The following SP140 variants were observed in gnomAD, a reference collection of about 807,000 sequenced individuals.
SP140 encodes the protein SP140 nuclear body protein.
In SP140, 81 loss-of-function variants were observed where a neutral mutation model predicts 125.0. The ratio of observed to expected loss-of-function variants is 0.65; its 90% CI spans 0.54 to 0.78. The LOEUF (loss-of-function observed/expected upper bound fraction) is 0.78. Among genes scored for constraint, SP140 ranks in the 30% least tolerant of loss-of-function variants. The pLI, the probability that SP140 is intolerant of heterozygous loss-of-function variation, is 0.00. For missense variants in SP140, 858 were observed against 1,037.0 expected, an observed-to-expected ratio of 0.83 and a Z score of 2.37; for synonymous variants, 312 against 354.0, an observed-to-expected ratio of 0.88 and a Z score of 1.33.
At chr2:230,307,642 A>G (rs763081505) in intron 22 of SP140, among the ~76,000 whole-genome samples, 3 of 152,206 alleles carry the variant, frequency 2.0e-5, no homozygotes, top group Non-Finnish European at 2.9e-5. Context: ...CTTATGCAAT[A>G]GCAGGCATGT....
chr2:230,310,375 A>T lies in SP140; in HGVS notation c.2174+336A>T, dbSNP rs369997795. 1.8e-5 allele frequency: 9 copies of T among 491,118 alleles called. No homozygotes were observed. The East Asian group carries it at 3.2e-4, about 17-fold the overall frequency. 30.4% of individuals were successfully genotyped at this position (491,118 alleles called of 1,614,324 possible). A position where few individuals can be genotyped will look rare whatever the true frequency, so the allele number is the denominator to read the frequency against. On this transcript the variant is annotated intron_variant, in intron 23 of 26. Coordinates refer to ENST00000392045, the MANE Select transcript of SP140 (RefSeq NM_007237.5). ...TTTATATTTTGTGCTTATTCATACA[A>T]GACAGGAAGCACGATCTCATTGGGC...
At chr2:230,202,543 A>T, upstream of SP140, 2 of 1,607,222 alleles carry the variant, frequency 1.2e-6, no homozygotes, top group Non-Finnish European at 1.7e-6. Context: ...TCCCACACTG[A>T]GCCATTCAAA....
chr2:230,199,397 CAG>C (rs1410599117), upstream of SP140, among the ~76,000 whole-genome samples: 2 of 151,318 alleles, frequency 1.3e-5, no homozygotes. Context: ...TTAGTAGAGA[CAG>C]GGTTTCATCA....
At chr2:230,232,575 T>C (rs574600120) in intron 1 of SP140, among the ~76,000 whole-genome samples, 1 of 152,362 alleles carries the variant, frequency 6.6e-6, no homozygotes, top group African/African-American at 2.4e-5. Context: ...TTTAGACTTT[T>C]TTCTTAAGAC....
At chr2:230,241,108 A>G (rs2048662091) in intron 3 of SP140, among the ~76,000 whole-genome samples, 1 of 152,214 alleles carries the variant, frequency 6.6e-6, no homozygotes, top group African/African-American at 2.4e-5. Flanking sequence ...ACAGACAAGT[A>G]CAGTGCCAGA....
chr2:230,282,037 A>C (rs1046426464), intron 15 of SP140, among the ~76,000 whole-genome samples: 3 of 152,176 alleles, frequency 2.0e-5, no homozygotes, highest in Middle Eastern at 3.2e-3. Context: ...CAGCAGAAGA[A>C]TGCTTCACTG....
intron 11 of SP140, 138 bp from the exon 12 acceptor site, chr2:230,255,314 C>A (rs2050991443): frequency 2.2e-6 from 2 of 899,932 alleles, no homozygotes; most frequent in Non-Finnish European, 3.5e-6. Flanking sequence ...ACCCACAGGG[C>A]AGACCAGGAG....
chr2:230,220,885 C>T (rs1481566213), upstream of SP140, among the ~76,000 whole-genome samples: 6 of 151,992 alleles, frequency 3.9e-5, no homozygotes, highest in Non-Finnish European at 8.8e-5. Flanking sequence ...GTGGCATGCA[C>T]CTTGTAGTCC....
At chr2:230,243,619 G>A (rs960501170) in intron 4 of SP140, 112 bp from the exon 5 acceptor site, 2 of 798,702 alleles carry the variant, frequency 2.5e-6, no homozygotes, top group Admixed American at 2.0e-5. Context: ...TTGGGGAGAG[G>A]GGACCTTCCA....
chr2:230,260,791 A>T (rs1004728315), intron 12 of SP140, among the ~76,000 whole-genome samples: 10 of 152,050 alleles, frequency 6.6e-5, no homozygotes, highest in African/African-American at 2.4e-4. Context: ...GTTCTGTTTC[A>T]TTGGTCTACG....
chr2:230,257,527 G>C (rs773590412), intron 12 of SP140, among the ~76,000 whole-genome samples: 5 of 152,180 alleles, frequency 3.3e-5, no homozygotes, highest in African/African-American at 1.2e-4. Context: ...AGCAATTTGG[G>C]AGGCCAAGGC....
chr2:230,195,827 C>T, the SP140 span, among the ~76,000 whole-genome samples: 5 of 151,810 alleles, frequency 3.3e-5, no homozygotes, highest in East Asian at 1.9e-4. Context: ...AAAAACACCC[C>T]GACACTATTA....
intron 18 of SP140, 68 bp from the exon 19 acceptor site, chr2:230,290,392 T>A: frequency 7.2e-7 from 1 of 1,386,112 alleles, no homozygotes; most frequent in East Asian, 2.3e-5. Context: ...TTTATAGGAA[T>A]TACCTCAGTA....
In SP140 at chr2:230,269,879, T is replaced by C. The variant is rs750462379; in HGVS notation, c.1370T>C (p.Val457Ala). The C allele has an allele frequency of 6.2e-7, 1 of 1,614,038 alleles. No individual in the cohort carries two copies. Residue 457 changes from valine to alanine, a missense_variant, in exon 14 of 27, where the codon GTC (valine) becomes GCC (alanine). Physicochemically the swap from Val to Ala is moderately conservative, Grantham distance 64 (BLOSUM62 0). Coordinates refer to ENST00000392045, the MANE Select transcript of SP140 (RefSeq NM_007237.5). ...SAYENEKCSCVMCFSEEVPGS... is the reference protein window; with the variant it reads ...SAYENEKCSCAMCFSEEVPGS... ...TATGAAAATGAGAAGTGTTCCTGTG[T>C]CATGTGTTTCTCAGAAGAGGTGCCA...
chr2:230,210,487 A>T (rs994422389), intron 1 of SP140, among the ~76,000 whole-genome samples: 3 of 152,236 alleles, frequency 2.0e-5, no homozygotes, highest in African/African-American at 7.2e-5. Flanking sequence ...TTTGACGTCT[A>T]TGTGTGGATA....
intron 1 of SP140, among the ~76,000 whole-genome samples, chr2:230,204,497 T>C (rs2148873118): frequency 6.6e-6 from 1 of 152,312 alleles, no homozygotes; most frequent in African/African-American, 2.4e-5. Context: ...CACCACGTGG[T>C]GCCCATAATG....
intron 21 of SP140, among the ~76,000 whole-genome samples, chr2:230,294,619 T>C (rs2057492119): frequency 6.6e-6 from 1 of 152,188 alleles, no homozygotes; most frequent in Admixed American, 6.5e-5. Context: ...GTGTCCAAGT[T>C]GGAAAGTCAA....
At chr2:230,313,771 C>A (rs888919218), downstream of SP140, among the ~76,000 whole-genome samples, 2 of 152,176 alleles carry the variant, frequency 1.3e-5, no homozygotes, top group African/African-American at 2.4e-5. Flanking sequence ...TGGATAGCCC[C>A]AGAAGTGCTA....
chr2:230,238,968 T>A, intron 3 of SP140: 1 of 1,512,434 alleles, frequency 6.6e-7, no homozygotes, highest in South Asian at 1.3e-5. Flanking sequence ...GAGCTGACTC[T>A]GGAGAAAGAA....
Sources: gnomAD v4.1 joint callset for allele counts (sites outside exome capture counted in the v4.1 genomes callset) on GRCh38, gnomAD v4.1.1 for gene constraint, MANE v1.5 for transcripts, NCBI Gene and HGNC (gene_info 2026-07-23, HGNC 2026-07-21) for gene names.